Variants in TEKT3 observed in about 807,000 individuals in gnomAD.
TEKT3 encodes the protein tektin 3.
A neutral mutation model predicts 49.8 loss-of-function variants in TEKT3; 49 were observed. That is an observed-to-expected ratio of 0.98 (90% CI 0.78 to 1.25). The LOEUF (loss-of-function observed/expected upper bound fraction) is 1.25, where lower values mean the gene tolerates loss of function less well. Ranked by LOEUF, TEKT3 falls within the 50% of genes most tolerant of loss-of-function variation. The probability of loss-of-function intolerance (pLI) is 0.00; values close to 1 mark genes in which losing one functional copy is unlikely to be tolerated. For missense variants in TEKT3, 595 were observed against 629.5 expected (o/e 0.95, Z 0.59); for synonymous variants, 225 against 237.2 (o/e 0.95, Z 0.47).
At chr17:15,331,951 G>T (rs1911774038) in intron 2 of TEKT3, among the ~76,000 whole-genome samples, 1 of 152,186 alleles carries the variant, frequency 6.6e-6, no homozygotes, top group Non-Finnish European at 1.5e-5. Flanking sequence ...ATTCAAAATA[G>T]ATTTCTCACT....
Position 15,331,633 on chromosome 17 carries a change from T to A in TEKT3, c.-29-19A>T, listed in dbSNP as rs1253644000. The A allele has an allele frequency of 1.3e-6, 2 of 1,522,916 alleles. No individual in the cohort carries two copies. Among genetic ancestry groups the A allele is most frequent in the Non-Finnish European group, 1.8e-6 (2 of 1,128,302 alleles). The allele number at this position is 1,522,916 out of a possible 1,614,324, so 94.3% of individuals were successfully genotyped here. A position where few individuals can be genotyped will look rare whatever the true frequency, so the allele number is the denominator to read the frequency against. ...ATCTCTCCTGTTAAAAAATAAAAAG[T>A]AAAATAAGACAGTCACATAAAATAA... On this transcript the variant is annotated intron_variant, in intron 2 of 8. Transcript: ENST00000395930.
At chr17:15,330,276 C>T (rs192944466) in intron 3 of TEKT3, among the ~76,000 whole-genome samples, 27 of 152,216 alleles carry the variant, frequency 1.8e-4, no homozygotes, top group African/African-American at 5.1e-4. Context: ...GATGAAGCAG[C>T]CTATTTAAGA....
intron 5 of TEKT3, among the ~76,000 whole-genome samples, chr17:15,318,284 C>T (rs914834062): frequency 4.6e-5 from 7 of 152,050 alleles, no homozygotes; most frequent in Non-Finnish European, 7.4e-5. Flanking sequence ...CCACCACGCC[C>T]GGCCGCCGCA....
At chr17:15,310,265 G>A (rs560659990) in intron 7 of TEKT3, among the ~76,000 whole-genome samples, 1 of 152,300 alleles carries the variant, frequency 6.6e-6, no homozygotes, top group African/African-American at 2.4e-5. Flanking sequence ...TCTAAGACGT[G>A]AGATGTATGT....
chr17:15,305,243 A>G (rs1910494602), intron 8 of TEKT3, among the ~76,000 whole-genome samples: 1 of 152,190 alleles, frequency 6.6e-6, no homozygotes. Context: ...TGGCCTAAGA[A>G]GAGGAAGGCT....
intron 4 of TEKT3, among the ~76,000 whole-genome samples, chr17:15,324,740 T>C (rs911679474): frequency 6.6e-6 from 1 of 152,234 alleles, no homozygotes; most frequent in Non-Finnish European, 1.5e-5. Context: ...TTTCACTTTG[T>C]TGCTAGTGTT....
chr17:15,331,198 C>G lies in TEKT3; in HGVS notation c.388G>C (p.Asp130His). ...GTTTTTCTTGTTTGTTGATATTTGT[C>G]TTGAATCAGGCGAGATGTATCCACT... ...LRVDTSRLIQ[D>H]KYQQTRKTQA... is the part of the protein sequence containing the mutation. Residue 130 changes from aspartate to histidine, a missense_variant, in exon 3 of 9, where the codon GAC becomes CAC. Physicochemically the swap from Asp to His is moderately conservative, Grantham distance 81 (BLOSUM62 -1). Coordinates refer to ENST00000395930, the MANE Select transcript of TEKT3 (RefSeq NM_031898.3). 1 of 1,614,154 alleles carries G rather than the reference C, an allele frequency of 6.2e-7. No individual in the cohort carries two copies. The highest frequency in any genetic ancestry group is 2.2e-5 in the East Asian group (1 of 44,882).
At position 15,304,181 on chromosome 17, in the gene TEKT3, G is replaced by A; in HGVS notation, c.1257-29C>T. On this transcript the variant is annotated intron_variant, in intron 8 of 8. Coordinates refer to ENST00000395930, the MANE Select transcript of TEKT3 (RefSeq NM_031898.3). The surrounding 1 kb of genome is among the most constrained non-coding windows in gnomAD (Gnocchi z 4.7). ...CAGCATAAAGGAATCAGCATGGTTA[G>A]GTCAGCATGTAGCTTACGCAACTCC... 1 of 1,611,186 alleles carries A rather than the reference G, an allele frequency of 6.2e-7. No individual in the cohort carries two copies.
chr17:15,339,910 C>G (rs2150757234), intron 2 of TEKT3, 118 bp downstream of exon 2: 1 of 150,594 alleles, frequency 6.6e-6, no homozygotes, highest in African/African-American at 2.4e-5. Context: ...TACAGGAAAA[C>G]TTCATCTCTT....
At chr17:15,329,391 T>G (rs1204940797) in intron 3 of TEKT3, among the ~76,000 whole-genome samples, 1 of 152,190 alleles carries the variant, frequency 6.6e-6, no homozygotes, top group Non-Finnish European at 1.5e-5. Context: ...GAACCATCTT[T>G]CTGAAAGTAG....
chr17:15,307,945 T>G (rs1324164113), intron 8 of TEKT3, among the ~76,000 whole-genome samples: 1 of 152,140 alleles, frequency 6.6e-6, no homozygotes, highest in African/African-American at 2.4e-5. Context: ...CATCCCAAAA[T>G]GAATCTTCAA....
At chr17:15,319,551 A>G (rs960548012) in intron 4 of TEKT3, among the ~76,000 whole-genome samples, 2 of 152,216 alleles carry the variant, frequency 1.3e-5, no homozygotes, top group African/African-American at 2.4e-5. Flanking sequence ...AGGGAGGAAA[A>G]AAGCACAACC....
At chr17:15,307,145 TTCA>T (rs1910587184) in intron 8 of TEKT3, 1 of 152,242 alleles carries the variant, frequency 6.6e-6, no homozygotes, top group African/African-American at 2.4e-5. Context: ...CGTAAGGTGT[TTCA>T]TCATAATGAT....
Position 15,331,432 on chromosome 17 carries a change from G to A in TEKT3, c.154C>T (p.Pro52Ser), listed in dbSNP as rs1354545627. The change falls in exon 3 of 9, where the codon CCC becomes TCC. Residue 52 changes from proline (P) to serine (S), a missense_variant. Transcript: ENST00000395930. ...GAGGCGACTTTGTAGTATGTGCTGGGTCTCCAAGGAAGGCTCAGGCTATGG... is the reference window on the plus strand; with the variant it reads ...GAGGCGACTTTGTAGTATGTGCTGGATCTCCAAGGAAGGCTCAGGCTATGG... ...LTHSLSLPWR[P>S]STYYKVASNS... The A allele has an allele frequency of 1.2e-6, 2 of 1,613,974 alleles. No individual in the cohort carries two copies. Among genetic ancestry groups the A allele is most frequent in the African/African-American group, 1.3e-5 (1 of 74,880 alleles).
chr17:15,319,830 A>T (rs1911175287), intron 4 of TEKT3, among the ~76,000 whole-genome samples: 2 of 152,230 alleles, frequency 1.3e-5, no homozygotes, highest in South Asian at 4.1e-4. Flanking sequence ...TGAAATTTCT[A>T]TGCACGTTAG....
chr17:15,331,614 C>A lies in TEKT3; in HGVS notation c.-29G>T. 1 of 1,563,456 alleles carries A rather than the reference C, an allele frequency of 6.4e-7. No homozygotes were observed. Among genetic ancestry groups the A allele is most frequent in the Non-Finnish European group, 8.7e-7 (1 of 1,154,296 alleles). On this transcript the variant is annotated splice_region_variant and 5_prime_UTR_variant, in exon 3 of 9. Coordinates refer to ENST00000395930, the MANE Select transcript of TEKT3 (RefSeq NM_031898.3). ...GCCAAAACACTATTTGTAAATCTCTCCTGTTAAAAAATAAAAAGTAAAATA... is the reference window on the plus strand; with the variant it reads ...GCCAAAACACTATTTGTAAATCTCTACTGTTAAAAAATAAAAAGTAAAATA...
chr17:15,339,893 A>C (rs1912150093), intron 2 of TEKT3, 135 bp downstream of exon 2: 1 of 152,064 alleles, frequency 6.6e-6, no homozygotes, highest in Non-Finnish European at 1.5e-5. Flanking sequence ...CATATATTAC[A>C]TAAGAATACA....
chr17:15,310,221 T>C (rs140975845), intron 7 of TEKT3, among the ~76,000 whole-genome samples: 1,735 of 152,366 alleles, frequency 0.011, 15 homozygotes, highest in Non-Finnish European at 0.016. Flanking sequence ...ACCTTTCTGA[T>C]GCAAATTCCC....
At chr17:15,305,019 C>A (rs1040535705) in intron 8 of TEKT3, among the ~76,000 whole-genome samples, 1 of 152,154 alleles carries the variant, frequency 6.6e-6, no homozygotes, top group Admixed American at 6.5e-5. Context: ...CATCCACAGC[C>A]GCTCCTGCAA....
Sources: allele counts gnomAD v4.1 joint callset (sites outside exome capture counted in the v4.1 genomes callset), GRCh38; gene constraint gnomAD v4.1.1; non-coding constraint Gnocchi (gnomAD v3.1); transcripts MANE v1.5; gene names NCBI Gene and HGNC (gene_info 2026-07-23, HGNC 2026-07-21).